FAM241A: variants seen among roughly 807,000 people sequenced by gnomAD.
The protein encoded by FAM241A is family with sequence similarity 241 member A.
FAM241A carries 7 observed loss-of-function variants against 12.2 expected under a neutral mutation model. The ratio of observed to expected loss-of-function variants is 0.58; its 90% confidence interval spans 0.33 to 1.08. FAM241A has a LOEUF of 1.08. FAM241A is among the 50% of genes least tolerant of loss of function. FAM241A has a pLI of 0.04. For synonymous variants in FAM241A, 74 were observed against 68.2 expected, an observed-to-expected ratio of 1.08 and a Z score of -0.42; for missense variants, 161 against 169.7, an observed-to-expected ratio of 0.95 and a Z score of 0.29.
rs1175043703 is a variant in FAM241A, at chr4:112,189,794, G to C, written c.*2856G>C. On this transcript the variant is annotated 3_prime_UTR_variant, in exon 2 of 2. Transcript: ENST00000309733. ...CTGTCAAGTTGGTAGTTTGAAATTG[G>C]CCATGGTGAGAGTATTTACACCAAA... The C allele has an allele frequency of 6.6e-6, 1 of 151,830 alleles. No homozygotes were observed. The highest frequency in any genetic ancestry group is 1.5e-5 in the Non-Finnish European group (1 of 67,990). 9.4% of individuals were successfully genotyped at this position (151,830 alleles called of 1,614,324 possible). A position where few individuals can be genotyped will look rare whatever the true frequency, so the allele number is the denominator to read the frequency against.
chr4:112,183,227 C>A, intron 1 of FAM241A, among the ~76,000 whole-genome samples: 1 of 151,752 alleles, frequency 6.6e-6, no homozygotes, highest in South Asian at 2.1e-4. Context: ...CTGGTTGATA[C>A]GTATATAGGT....
At chr4:112,153,472 A>G (rs1040590902) in intron 1 of FAM241A, among the ~76,000 whole-genome samples, 4 of 152,194 alleles carry the variant, frequency 2.6e-5, no homozygotes, top group African/African-American at 4.8e-5. Context: ...AGTAACAGCC[A>G]CCTATCTCCG....
intron 1 of FAM241A, among the ~76,000 whole-genome samples, chr4:112,147,618 T>G (rs1469031925): frequency 1.3e-5 from 2 of 152,174 alleles, no homozygotes; most frequent in Non-Finnish European, 2.9e-5. Flanking sequence ...TGTAAAGATA[T>G]TTGAGGAAGA....
intron 1 of FAM241A, among the ~76,000 whole-genome samples, chr4:112,161,585 A>G (rs982455153): frequency 5.2e-4 from 79 of 152,222 alleles, no homozygotes; most frequent in Non-Finnish European, 1.9e-4. Flanking sequence ...TCCTGGACAC[A>G]TACACCCTCC....
At chr4:112,159,548 C>T (rs753277430) in intron 1 of FAM241A, among the ~76,000 whole-genome samples, 2 of 152,028 alleles carry the variant, frequency 1.3e-5, no homozygotes, top group Non-Finnish European at 2.9e-5. Flanking sequence ...ACTAGCAAAC[C>T]AAATTCAACA....
rs917027645 is a variant in FAM241A, at chr4:112,187,854, A to AT, written c.*922dup. On this transcript the variant is annotated 3_prime_UTR_variant, in exon 2 of 2. Transcript: ENST00000309733. ...CAATGTATTTCCTATCTTGACATGG[A>AT]TTTTTTCACAAAAAATTTGTATTTT... 3.3e-5 allele frequency: 5 copies of AT among 152,022 alleles called. No individual in the cohort carries two copies. Among genetic ancestry groups the AT allele is most frequent in the African/African-American group, 7.3e-5 (3 of 41,318 alleles). 9.4% of individuals were successfully genotyped at this position (152,022 alleles called of 1,614,324 possible).
At chr4:112,155,462 A>G (rs1224494656) in intron 1 of FAM241A, among the ~76,000 whole-genome samples, 1 of 152,046 alleles carries the variant, frequency 6.6e-6, no homozygotes, top group Non-Finnish European at 1.5e-5. Flanking sequence ...GGAGGTAAGT[A>G]TAAAACAATG....
intron 1 of FAM241A, among the ~76,000 whole-genome samples, chr4:112,159,065 C>G (rs1487135459): frequency 2.0e-5 from 3 of 152,096 alleles, no homozygotes; most frequent in Non-Finnish European, 2.9e-5. Context: ...TGAGAACTTG[C>G]AATATTTGTC....
At chr4:112,175,105 C>A (rs1723793256) in intron 1 of FAM241A, among the ~76,000 whole-genome samples, 1 of 152,050 alleles carries the variant, frequency 6.6e-6, no homozygotes, top group Non-Finnish European at 1.5e-5. Flanking sequence ...AGTCAGAATT[C>A]TTGGTTTCAA....
intron 1 of FAM241A, among the ~76,000 whole-genome samples, chr4:112,156,811 A>G (rs1412076946): frequency 3.3e-5 from 5 of 152,230 alleles, no homozygotes; most frequent in Non-Finnish European, 7.4e-5. Context: ...CATCTGTAAA[A>G]TTGTAGGCAA....
Position 112,158,543 on chromosome 4 carries a change from T to G in FAM241A, c.153+12810T>G, listed in dbSNP as rs555423318. 1.2e-4 allele frequency among the ~76,000 whole-genome samples: 18 copies of G among 152,242 alleles called. 1 individual carries two copies. The East Asian group carries it at 3.5e-3, about 29-fold the overall frequency. On this transcript the variant is annotated intron_variant, in intron 1 of 1. Transcript: ENST00000309733. ...GGCCACATTTCATTTCTCATTAATCTTGTGTTGTAGTAGGGAAAGAGAGAC... is the reference window on the plus strand; with the variant it reads ...GGCCACATTTCATTTCTCATTAATCGTGTGTTGTAGTAGGGAAAGAGAGAC...
Position 112,193,580 on chromosome 4 carries a change from C to G in FAM241A, c.*6642C>G, listed in dbSNP as rs925566726. 1 of 152,196 alleles carries G rather than the reference C, an allele frequency of 6.6e-6. No homozygotes were observed. The highest frequency in any genetic ancestry group is 1.5e-5 in the Non-Finnish European group (1 of 68,042). 9.4% of individuals were successfully genotyped at this position (152,196 alleles called of 1,614,324 possible). On this transcript the variant is annotated 3_prime_UTR_variant, in exon 2 of 2. Transcript: ENST00000309733. ...TTTCTACATATGGCTAGCCAGTTTT[C>G]CCAGCACCATTTATTCAATAGGGAA... is the stretch of plus-strand genomic sequence containing the variant.
In FAM241A at chr4:112,193,309, C is replaced by A. The variant is rs181154499; in HGVS notation, c.*6371C>A. ...CCATTTTGTAAGTTGCCTGTTCACTCTGATGGTAGTTTCTTTTGCTGTGCA... is the reference window on the plus strand; with the variant it reads ...CCATTTTGTAAGTTGCCTGTTCACTATGATGGTAGTTTCTTTTGCTGTGCA... On this transcript the variant is annotated 3_prime_UTR_variant, in exon 2 of 2. Coordinates refer to ENST00000309733, the MANE Select transcript of FAM241A (RefSeq NM_152400.3). The A allele has an allele frequency of 6.6e-6, 1 of 152,244 alleles. No individual in the cohort carries two copies. Among genetic ancestry groups the A allele is most frequent in the African/African-American group, 2.4e-5 (1 of 41,504 alleles). 9.4% of individuals were successfully genotyped at this position (152,244 alleles called of 1,614,324 possible).
chr4:112,171,368 A>G (rs1489834760), intron 1 of FAM241A: 1 of 761,842 alleles, frequency 1.3e-6, no homozygotes, highest in African/African-American at 1.7e-5. Context: ...ATGGGGGACA[A>G]GCTAAGCCAA....
At chr4:112,175,237 C>G (rs576298081) in intron 1 of FAM241A, among the ~76,000 whole-genome samples, 3 of 152,074 alleles carry the variant, frequency 2.0e-5, no homozygotes, top group African/African-American at 7.2e-5. Context: ...TCAATGAAAC[C>G]GTCTCTATCC....
At chr4:112,185,399 A>G (rs1470701288) in intron 1 of FAM241A, among the ~76,000 whole-genome samples, 1 of 152,310 alleles carries the variant, frequency 6.6e-6, no homozygotes. Flanking sequence ...TCAGACTCCA[A>G]CTTCACCCCT....
chr4:112,158,691 A>G (rs1199439749), intron 1 of FAM241A, among the ~76,000 whole-genome samples: 2 of 152,224 alleles, frequency 1.3e-5, no homozygotes, highest in East Asian at 1.9e-4. Flanking sequence ...TTTTATTGTT[A>G]TTCTTATTTT....
In FAM241A at chr4:112,188,142, GT is replaced by G. The variant is rs894387273; in HGVS notation, c.*1208del. 2 of 152,088 alleles carry G rather than the reference GT, an allele frequency of 1.3e-5. No individual in the cohort carries two copies. The highest frequency in any genetic ancestry group is 4.8e-5 in the African/African-American group (2 of 41,412). 9.4% of individuals were successfully genotyped at this position (152,088 alleles called of 1,614,324 possible). A position where few individuals can be genotyped will look rare whatever the true frequency, so the allele number is the denominator to read the frequency against. ...GAGAATGGCTTTAGTGATATTTTGG[GT>G]TTTGTTAGAGAACCTAAAATCTTTA... On this transcript the variant is annotated 3_prime_UTR_variant, in exon 2 of 2. Transcript: ENST00000309733.
chr4:112,156,325 A>G (rs1723352377), intron 1 of FAM241A, among the ~76,000 whole-genome samples: 1 of 152,168 alleles, frequency 6.6e-6, no homozygotes, highest in South Asian at 2.1e-4. Flanking sequence ...CAGAAAGTTC[A>G]GCTCTGACTA....
Sources: gnomAD v4.1 joint callset for allele counts (sites outside exome capture counted in the v4.1 genomes callset) on GRCh38, gnomAD v4.1.1 for gene constraint, MANE v1.5 for transcripts, NCBI Gene and HGNC (gene_info 2026-07-23, HGNC 2026-07-21) for gene names.